The following HS3ST4 variants were observed in gnomAD, a reference collection of about 807,000 sequenced individuals.
HS3ST4 encodes the protein heparan sulfate-glucosamine 3-sulfotransferase 4.
Under a neutral mutation model 29.2 loss-of-function variants are expected in HS3ST4, and 17 were observed. The observed-to-expected ratio is 0.58, with a 90% confidence interval of 0.40 to 0.87. The LOEUF is 0.87. Ranked by LOEUF, HS3ST4 falls within the 40% of genes least tolerant of loss-of-function variation. The pLI is 0.00. For synonymous variants in HS3ST4, 314 were observed against 285.7 expected, an observed-to-expected ratio of 1.10 and a Z score of -1.00; for missense variants, 627 against 634.5, an observed-to-expected ratio of 0.99 and a Z score of 0.13.
At chr16:25,922,793 G>A (rs1968366478) in intron 1 of HS3ST4, among the ~76,000 whole-genome samples, 2 of 152,210 alleles carry the variant, frequency 1.3e-5, no homozygotes, top group Non-Finnish European at 2.9e-5. Flanking sequence ...TCCAGTCTCT[G>A]AGCATGTGTC....
At chr16:26,005,388 T>C (rs1172671711) in intron 1 of HS3ST4, among the ~76,000 whole-genome samples, 1 of 152,216 alleles carries the variant, frequency 6.6e-6, no homozygotes, top group Non-Finnish European at 1.5e-5. Flanking sequence ...CCACACTAAG[T>C]GACGGGAGAT....
intron 1 of HS3ST4, among the ~76,000 whole-genome samples, chr16:25,699,475 C>G (rs1161137212): frequency 6.6e-6 from 1 of 152,202 alleles, no homozygotes; most frequent in Non-Finnish European, 1.5e-5. Flanking sequence ...TGTATTTGAT[C>G]TATATCGATA....
chr16:25,996,762 G>A lies in HS3ST4; in HGVS notation c.735-138850G>A, dbSNP rs144135196. Reference sequence around the variant, plus strand: ...AACTTATTCTTTTACATTAAAATTGGCATTATTTTATAAAATTAACAAAAA... The same window carrying A: ...AACTTATTCTTTTACATTAAAATTGACATTATTTTATAAAATTAACAAAAA... On this transcript the variant is annotated intron_variant, in intron 1 of 1. Coordinates refer to ENST00000331351, the MANE Select transcript of HS3ST4 (RefSeq NM_006040.3). Among the ~76,000 whole-genome samples the A allele has an allele frequency of 8.2e-3, 1,242 of 151,956 alleles. 10 individuals carry two copies. Among genetic ancestry groups the A allele is most frequent in the Middle Eastern group, 0.014 (4 of 294 alleles).
intron 1 of HS3ST4, among the ~76,000 whole-genome samples, chr16:25,857,244 A>G (rs2141652484): frequency 6.6e-6 from 1 of 152,276 alleles, no homozygotes; most frequent in Middle Eastern, 3.4e-3. Flanking sequence ...CCAGGTGGGT[A>G]GATCTTGACT....
chr16:25,815,561 T>C (rs1967085270), intron 1 of HS3ST4, among the ~76,000 whole-genome samples: 1 of 152,116 alleles, frequency 6.6e-6, no homozygotes, highest in Non-Finnish European at 1.5e-5. Context: ...TGACCTCAGG[T>C]GATCCACCCC....
chr16:25,969,966 C>T (rs1222791720), intron 1 of HS3ST4, among the ~76,000 whole-genome samples: 8 of 152,188 alleles, frequency 5.3e-5, no homozygotes, highest in South Asian at 2.1e-4. Context: ...GCCCCAAACA[C>T]GAATGCTGCT....
At chr16:25,781,417 T>C (rs191683018) in intron 1 of HS3ST4, among the ~76,000 whole-genome samples, 1 of 152,338 alleles carries the variant, frequency 6.6e-6, no homozygotes, top group Non-Finnish European at 1.5e-5. Context: ...CTAGTTCTTC[T>C]TCGGCCCTTA....
intron 1 of HS3ST4, among the ~76,000 whole-genome samples, chr16:25,706,451 G>T (rs2141582933): frequency 6.6e-6 from 1 of 152,102 alleles, no homozygotes; most frequent in South Asian, 2.1e-4. Context: ...TGCCATGGTG[G>T]TTTGCTGCAC....
chr16:25,755,852 C>T (rs1352354557), intron 1 of HS3ST4, among the ~76,000 whole-genome samples: 20 of 152,024 alleles, frequency 1.3e-4, no homozygotes, highest in Admixed American at 1.3e-3. Flanking sequence ...AAAATTGATG[C>T]CGAGTATCAG....
intron 1 of HS3ST4, among the ~76,000 whole-genome samples, chr16:25,811,256 C>T (rs1036805268): frequency 6.6e-6 from 1 of 151,990 alleles, no homozygotes; most frequent in African/African-American, 2.4e-5. Context: ...CTCTGTCAAC[C>T]CCAAGAGAGC....
At chr16:25,823,165 C>CA (rs1189070548) in intron 1 of HS3ST4, among the ~76,000 whole-genome samples, 1 of 152,098 alleles carries the variant, frequency 6.6e-6, no homozygotes, top group African/African-American at 2.4e-5. Flanking sequence ...AAATATGTGC[C>CA]AAGTGGCCAT....
intron 1 of HS3ST4, among the ~76,000 whole-genome samples, chr16:26,117,625 C>T (rs1209704297): frequency 6.6e-6 from 1 of 152,190 alleles, no homozygotes; most frequent in Non-Finnish European, 1.5e-5. Context: ...AGCAGGTCAG[C>T]CTCAGCCTTT....
At chr16:25,777,194 A>G (rs1014872405) in intron 1 of HS3ST4, among the ~76,000 whole-genome samples, 1 of 152,218 alleles carries the variant, frequency 6.6e-6, no homozygotes, top group Non-Finnish European at 1.5e-5. Context: ...TCATGTTGGA[A>G]TCGATACCAC....
intron 1 of HS3ST4, among the ~76,000 whole-genome samples, chr16:26,092,218 A>G (rs1184379511): frequency 6.6e-6 from 1 of 152,140 alleles, no homozygotes; most frequent in East Asian, 1.9e-4. Flanking sequence ...GCCCACGTCT[A>G]CACTTCTCTG....
intron 1 of HS3ST4, among the ~76,000 whole-genome samples, chr16:25,949,668 A>G (rs576049849): frequency 6.6e-6 from 1 of 152,178 alleles, no homozygotes; most frequent in South Asian, 2.1e-4. Flanking sequence ...CAGTGAATGA[A>G]AAATTACTAA....
Position 25,699,667 on chromosome 16 carries a change from G to T in HS3ST4, c.734+6516G>T, listed in dbSNP as rs906038146. Among the ~76,000 whole-genome samples, 12 of 152,314 alleles carry T rather than the reference G, an allele frequency of 7.9e-5. No individual in the cohort carries two copies. The East Asian group carries it at 2.3e-3, about 29-fold the overall frequency. On this transcript the variant is annotated intron_variant, in intron 1 of 1. Transcript: ENST00000331351. ...CATAGGGTCCATTCACCTACGAAAA[G>T]ACTTTGGTTCCAGAACACATTTCTG...
chr16:25,770,458 C>G (rs1966840392), intron 1 of HS3ST4, among the ~76,000 whole-genome samples: 2 of 152,176 alleles, frequency 1.3e-5, no homozygotes, highest in South Asian at 4.1e-4. Context: ...GACTAACACA[C>G]AAGAGGGCAG....
chr16:25,871,633 A>G (rs1427929773), intron 1 of HS3ST4, among the ~76,000 whole-genome samples: 1 of 152,226 alleles, frequency 6.6e-6, no homozygotes, highest in Admixed American at 6.5e-5. Flanking sequence ...TTTTTCAAAA[A>G]AAGAAAACTG....
In HS3ST4 at chr16:25,692,539, T is replaced by C; in HGVS notation, c.122T>C (p.Leu41Ser). 1.4e-6 allele frequency: 2 copies of C among 1,443,086 alleles called. No homozygotes were observed. Among genetic ancestry groups the C allele is most frequent in the East Asian group, 3.1e-5 (1 of 31,934 alleles). The allele number at this position is 1,443,086 out of a possible 1,614,324, so 89.4% of individuals were successfully genotyped here. A position where few individuals can be genotyped will look rare whatever the true frequency, so the allele number is the denominator to read the frequency against. The change falls in exon 1 of 2, where the codon TTG becomes TCG. Residue 41 changes from leucine (L) to serine (S), a missense_variant. Coordinates refer to ENST00000331351, the MANE Select transcript of HS3ST4 (RefSeq NM_006040.3). ...PARKLLFMCTLSLSVTYLCYS... is the reference protein window; with the variant it reads ...PARKLLFMCTSSLSVTYLCYS... ...CGCAAGCTGCTTTTTATGTGCACCTTGTCCCTGTCTGTCACCTACCTGTGC... is the reference window on the plus strand; with the variant it reads ...CGCAAGCTGCTTTTTATGTGCACCTCGTCCCTGTCTGTCACCTACCTGTGC...
Sources: allele counts gnomAD v4.1 joint callset (sites outside exome capture counted in the v4.1 genomes callset), GRCh38; gene constraint gnomAD v4.1.1; transcripts MANE v1.5; gene names NCBI Gene and HGNC (gene_info 2026-07-23, HGNC 2026-07-21).